Variants in ANO6 observed in about 807,000 individuals in gnomAD.
The protein encoded by ANO6 is anoctamin 6.
A neutral mutation model predicts 117.5 loss-of-function variants in ANO6; 106 were observed. The ratio of observed to expected loss-of-function variants is 0.90; its 90% CI spans 0.77 to 1.06. The LOEUF (loss-of-function observed/expected upper bound fraction) is 1.06. Ranked by LOEUF, ANO6 falls within the 50% of genes least tolerant of loss-of-function variation. The pLI is 0.00. For synonymous variants in ANO6, 367 were observed against 385.1 expected, an observed-to-expected ratio of 0.95 and a Z score of 0.55; for missense variants, 955 against 1,121.1, an observed-to-expected ratio of 0.85 and a Z score of 2.12.
intron 1 of ANO6, among the ~76,000 whole-genome samples, chr12:45,230,898 A>G (rs1007937262): frequency 1.3e-5 from 2 of 152,202 alleles, no homozygotes; most frequent in Admixed American, 6.5e-5. Flanking sequence ...GTAGTTCCCC[A>G]GGAGTTCAAG....
Position 45,430,226 on chromosome 12 carries a change from C to T in ANO6, c.*915C>T. ...CATAATTGTCTGGAAAAGATAAGCC[C>T]CTCAATTTTCTACCAGTTGACTTTT... On this transcript the variant is annotated 3_prime_UTR_variant, in exon 20 of 20. Coordinates refer to ENST00000320560, the MANE Select transcript of ANO6 (RefSeq NM_001025356.3). 1.0e-6 allele frequency: 1 copy of T among 985,260 alleles called. No homozygotes were observed. Among genetic ancestry groups the T allele is most frequent in the Non-Finnish European group, 1.2e-6 (1 of 829,908 alleles). The allele number at this position is 985,260 out of a possible 1,614,324, so 61.0% of individuals were successfully genotyped here. A position where few individuals can be genotyped will look rare whatever the true frequency, so the allele number is the denominator to read the frequency against.
At chr12:45,368,984 A>T (rs1941755475) in intron 9 of ANO6, among the ~76,000 whole-genome samples, 1 of 152,238 alleles carries the variant, frequency 6.6e-6, no homozygotes. Flanking sequence ...TAACTGGCAA[A>T]GTCAGAAATT....
intron 1 of ANO6, among the ~76,000 whole-genome samples, chr12:45,257,080 G>C (rs1261176676): frequency 6.6e-6 from 1 of 152,050 alleles, no homozygotes; most frequent in Non-Finnish European, 1.5e-5. Flanking sequence ...AGAAGTCTAG[G>C]GGCAGTATGG....
intron 1 of ANO6, among the ~76,000 whole-genome samples, chr12:45,275,748 C>A (rs1334510162): frequency 6.6e-6 from 1 of 152,150 alleles, no homozygotes; most frequent in African/African-American, 2.4e-5. Context: ...AAATTACCTT[C>A]TAACTTGGCC....
At chr12:45,220,794 G>A (rs11182921) in intron 1 of ANO6, among the ~76,000 whole-genome samples, 17,890 of 152,204 alleles carry the variant, frequency 0.12, 1,509 homozygotes, top group East Asian at 0.3. Context: ...AAAGACCAAG[G>A]CAGGATTAAA....
At position 45,355,604 on chromosome 12, in the gene ANO6, T is replaced by C. The variant is rs1179935628; in HGVS notation, c.864-1686T>C. Among the ~76,000 whole-genome samples the C allele has an allele frequency of 2.6e-5, 4 of 152,302 alleles. No homozygotes were observed. In the East Asian group the frequency reaches 7.7e-4, roughly 29 times the overall value. ...CCATGGCCAGACTTCTCTCCCGGGC[T>C]GTATCCTGAACCTGCCGTTTGCCTG... On this transcript the variant is annotated intron_variant, in intron 7 of 19. Coordinates refer to ENST00000320560, the MANE Select transcript of ANO6 (RefSeq NM_001025356.3).
intron 9 of ANO6, among the ~76,000 whole-genome samples, chr12:45,374,730 A>C (rs1223017673): frequency 6.0e-5 from 9 of 149,338 alleles, no homozygotes; most frequent in East Asian, 2.0e-4. Context: ...ATCTATGACA[A>C]ACCCACAGCC....
chr12:45,346,090 C>T (rs1356993431), intron 3 of ANO6, among the ~76,000 whole-genome samples: 1 of 152,120 alleles, frequency 6.6e-6, no homozygotes, highest in Non-Finnish European at 1.5e-5. Context: ...TAAGTCTGCC[C>T]TTGTGGCCTG....
intron 3 of ANO6, 51 bp from the exon 4 acceptor site, chr12:45,346,961 ATGCCTTTTTC>A: frequency 2.0e-6 from 3 of 1,484,092 alleles, no homozygotes; most frequent in Non-Finnish European, 1.9e-6. Context: ...GTTTTAAAAA[ATGCCTTTTTC>A]TGCCTTTGGT....
In ANO6 at chr12:45,408,806, T is replaced by C. The variant is rs1002873485; in HGVS notation, c.1881-551T>C. ...AGACCTGCTCCTGCCTCAGGGTCTC[T>C]GTCATCACCGTTCCCTCTGCCTGGG... On this transcript the variant is annotated intron_variant, in intron 15 of 19. Transcript: ENST00000320560. 3.9e-5 allele frequency among the ~76,000 whole-genome samples: 6 copies of C among 152,270 alleles called. 1 individual carries two copies. In the South Asian group the frequency reaches 8.3e-4, roughly 21 times the overall value.
intron 15 of ANO6, among the ~76,000 whole-genome samples, chr12:45,406,064 C>T (rs1186999817): frequency 1.3e-5 from 2 of 152,116 alleles, no homozygotes; most frequent in Admixed American, 1.3e-4. Flanking sequence ...ACACATGTAC[C>T]CTCCTCTTCC....
chr12:45,313,632 T>C (rs1156858613), intron 2 of ANO6: 3 of 151,980 alleles, frequency 2.0e-5, no homozygotes, highest in African/African-American at 7.2e-5. Context: ...GTTCTGTTCT[T>C]CTTAGAAGAG....
At chr12:45,241,957 C>T (rs1947750893) in intron 1 of ANO6, among the ~76,000 whole-genome samples, 1 of 152,190 alleles carries the variant, frequency 6.6e-6, no homozygotes, top group African/African-American at 2.4e-5. Context: ...GCTAGAGGGA[C>T]ACCTGCCTGT....
At chr12:45,226,801 A>G (rs749921032) in intron 1 of ANO6, among the ~76,000 whole-genome samples, 1 of 151,876 alleles carries the variant, frequency 6.6e-6, no homozygotes, top group African/African-American at 2.4e-5. Flanking sequence ...GAAAGATAAT[A>G]CATTTTCTCT....
At chr12:45,352,599 C>G (rs1305859050) in intron 7 of ANO6, among the ~76,000 whole-genome samples, 2 of 147,504 alleles carry the variant, frequency 1.4e-5, no homozygotes, top group African/African-American at 5.0e-5. Context: ...CACGATGGCT[C>G]TCACACCTGT....
At chr12:45,295,258 G>A (rs1449560149) in intron 1 of ANO6, among the ~76,000 whole-genome samples, 2 of 152,176 alleles carry the variant, frequency 1.3e-5, no homozygotes, top group Non-Finnish European at 2.9e-5. Flanking sequence ...ATATCACAAG[G>A]CCTATACTCT....
chr12:45,420,623 G>A (rs1453219549), intron 17 of ANO6, among the ~76,000 whole-genome samples: 1 of 151,934 alleles, frequency 6.6e-6, no homozygotes, highest in Admixed American at 6.6e-5. Flanking sequence ...CATATATTTT[G>A]CAGTTAAGAA....
chr12:45,400,955 A>G (rs1158961460), intron 12 of ANO6, among the ~76,000 whole-genome samples: 1 of 152,072 alleles, frequency 6.6e-6, no homozygotes, highest in Non-Finnish European at 1.5e-5. Flanking sequence ...AGTAAGGAAA[A>G]TTCATGGCGC....
At chr12:45,255,818 G>GTTTTTTAT (rs1937797926) in intron 1 of ANO6, among the ~76,000 whole-genome samples, 1 of 81,712 alleles carries the variant, frequency 1.2e-5, no homozygotes, top group African/African-American at 4.5e-5. Context: ...CTCCCTGGGT[G>GTTTTTTAT]TTTTTTTTTT....
Sources: gnomAD v4.1 joint callset for allele counts (sites outside exome capture counted in the v4.1 genomes callset) on GRCh38, gnomAD v4.1.1 for gene constraint, MANE v1.5 for transcripts, NCBI Gene and HGNC (gene_info 2026-07-23, HGNC 2026-07-21) for gene names.